RMC1: variants seen among roughly 807,000 people sequenced by gnomAD.
The protein encoded by RMC1 is regulator of MON1-CCZ1 complex.
RMC1 carries 44 observed loss-of-function variants against 95.5 expected under a neutral mutation model. The ratio of observed to expected loss-of-function variants is 0.46; its 90% CI spans 0.36 to 0.59. RMC1 has a LOEUF of 0.59. Among genes scored for constraint, RMC1 ranks in the 20% least tolerant of loss-of-function variants. The pLI, the probability that RMC1 is intolerant of heterozygous loss-of-function variation, is 0.00. For synonymous variants in RMC1, 320 were observed against 303.6 expected (o/e 1.05, Z -0.56); for missense variants, 705 against 819.6 (o/e 0.86, Z 1.71).
chr18:23,523,725 G>GA (rs1007414475), intron 10 of RMC1, among the ~76,000 whole-genome samples: 25 of 150,484 alleles, frequency 1.7e-4, no homozygotes, highest in African/African-American at 4.6e-4. Context: ...CTCTCTTAAA[G>GA]AAAAAAAAAG....
rs377528902 is a variant in RMC1 at position 23,528,063 on chromosome 18, G to T, written c.1296+162G>T. On this transcript the variant is annotated intron_variant, in intron 14 of 19. Coordinates refer to ENST00000269221, the MANE Select transcript of RMC1 (RefSeq NM_013326.5). ...GTGGCAGTAGTGGGGGATAGTGGAG[G>T]AGTAGTAAATTCAGGGTCCCTGCAT... The T allele has an allele frequency of 9.6e-4, 554 of 577,426 alleles. 4 individuals carry two copies. The South Asian group carries it at 0.011, about 11-fold the overall frequency. The allele number at this position is 577,426 out of a possible 1,614,324, so 35.8% of individuals were successfully genotyped here. A position where few individuals can be genotyped will look rare whatever the true frequency, so the allele number is the denominator to read the frequency against.
chr18:23,504,793 C>A, intron 2 of RMC1: 1 of 199,948 alleles, frequency 5.0e-6, no homozygotes, highest in Non-Finnish European at 1.0e-5. Flanking sequence ...TCCAGAGTGG[C>A]AGGTGGAGGA....
chr18:23,510,420 G>A (rs2057822447), intron 5 of RMC1, among the ~76,000 whole-genome samples: 1 of 151,850 alleles, frequency 6.6e-6, no homozygotes, highest in African/African-American at 2.4e-5. Context: ...GACCGAGGTG[G>A]GCAGATCACC....
At chr18:23,522,832 C>G (rs1289606595) in intron 10 of RMC1, 1 of 152,340 alleles carries the variant, frequency 6.6e-6, no homozygotes, top group Non-Finnish European at 1.5e-5. Flanking sequence ...GCTGTGAGCC[C>G]TGGCGGCTTG....
chr18:23,523,871 T>C (rs2058217104), intron 10 of RMC1, among the ~76,000 whole-genome samples: 1 of 152,206 alleles, frequency 6.6e-6, no homozygotes, highest in East Asian at 1.9e-4. Flanking sequence ...CTTTGGTTAT[T>C]AAAAATAACC....
chr18:23,510,646 C>CAA lies in RMC1; in HGVS notation c.408+1378_408+1379dup, dbSNP rs1209479609. On this transcript the variant is annotated intron_variant, in intron 5 of 19. Transcript: ENST00000269221. ...TGGGCAACAGAGCGAGACTCCGTCT[C>CAA]AAAAAAAAAAAAGTGGGCAAAGGAC... Among the ~76,000 whole-genome samples, 37 of 130,148 alleles carry CAA rather than the reference C, an allele frequency of 2.8e-4. 1 individual carries two copies. Among genetic ancestry groups the CAA allele is most frequent in the African/African-American group, 9.7e-4 (34 of 35,048 alleles). The allele number at this position is 130,148 out of a possible 152,430, so 85.4% of individuals were successfully genotyped here.
In RMC1 at chr18:23,519,142, A is replaced by C. The variant is rs1567923201; in HGVS notation, c.817A>C (p.Asn273His). 3 of 1,614,202 alleles carry C rather than the reference A, an allele frequency of 1.9e-6. No individual in the cohort carries two copies. Among genetic ancestry groups the C allele is most frequent in the Non-Finnish European group, 2.5e-6 (3 of 1,180,032 alleles). Residue 273 changes from asparagine to histidine, a missense_variant, in exon 9 of 20, where the codon AAC becomes CAC. Transcript: ENST00000269221. ...AAAGTTTGCCCTGAACGTGGTGGAC[A>C]ACCTGGTAGTCGTGCATCATCAGGA... is the stretch of plus-strand genomic sequence containing the variant. ...TGKFALNVVDNLVVVHHQDTE... is the reference protein window; with the variant it reads ...TGKFALNVVDHLVVVHHQDTE...
intron 14 of RMC1, chr18:23,528,972 T>A (rs1479875103): frequency 1.5e-6 from 1 of 669,648 alleles, no homozygotes; most frequent in East Asian, 3.6e-5. Context: ...CTCTGCCTCC[T>A]GGGTTCAAGG....
chr18:23,526,508 A>G (rs537091214), intron 12 of RMC1, 129 bp from the exon 13 acceptor site: 808 of 1,087,816 alleles, frequency 7.4e-4, no homozygotes, highest in Non-Finnish European at 8.3e-4. Context: ...AGGAAAAGCT[A>G]CACTGACTGT....
At chr18:23,527,721 C>A in intron 13 of RMC1, 74 bp from the exon 14 acceptor site, 1 of 1,159,726 alleles carries the variant, frequency 8.6e-7, no homozygotes, top group Non-Finnish European at 1.3e-6. Flanking sequence ...TAGTTTTTAT[C>A]ATAGCAACGT....
intron 2 of RMC1, chr18:23,506,161 C>T (rs177430): frequency 0.47 from 68,750 of 145,856 alleles, 16,591 homozygotes; most frequent in Middle Eastern, 0.68. Context: ...AGCAAGACTC[C>T]GTCTCAAAAA....
chr18:23,521,855 C>T (rs1324011362), intron 10 of RMC1, among the ~76,000 whole-genome samples: 1 of 152,188 alleles, frequency 6.6e-6, no homozygotes, highest in African/African-American at 2.4e-5. Flanking sequence ...CAGGGTCTTT[C>T]TTCTGTGCCT....
intron 13 of RMC1, among the ~76,000 whole-genome samples, chr18:23,527,328 G>A (rs2058331821): frequency 6.6e-6 from 1 of 152,012 alleles, no homozygotes; most frequent in South Asian, 2.1e-4. Context: ...GAGCCCGGGA[G>A]GACGAGGCTG....
Position 23,504,404 on chromosome 18 carries a change from G to A in RMC1, c.136G>A (p.Val46Met), listed in dbSNP as rs1405779035. 3.7e-6 allele frequency: 6 copies of A among 1,614,194 alleles called. No homozygotes were observed. The highest frequency in any genetic ancestry group is 5.1e-6 in the Non-Finnish European group (6 of 1,180,032). ...FAVRSGGATG[V>M]VVKGPDDRNP... Reference sequence around the variant, plus strand: ...TGTTCGATCTGGTGGAGCTACTGGCGTGGTAGTTAAAGGCCCAGATGATAG... The same window carrying A: ...TGTTCGATCTGGTGGAGCTACTGGCATGGTAGTTAAAGGCCCAGATGATAG... The change falls in exon 2 of 20, where the codon GTG becomes ATG. Residue 46 changes from valine (V) to methionine (M), a missense_variant. Coordinates refer to ENST00000269221, the MANE Select transcript of RMC1 (RefSeq NM_013326.5).
intron 4 of RMC1, chr18:23,508,830 T>C (rs1283130547): frequency 6.5e-6 from 1 of 152,972 alleles, no homozygotes; most frequent in Non-Finnish European, 1.5e-5. Flanking sequence ...TAAAGACCCT[T>C]AGGCCTTTGT....
At chr18:23,508,152 G>A (rs1362281506) in intron 4 of RMC1, 111 bp downstream of exon 4, 3 of 946,268 alleles carry the variant, frequency 3.2e-6, no homozygotes, top group East Asian at 5.7e-5. Flanking sequence ...AAGTCAGACT[G>A]TCCCTCATGT....
chr18:23,527,895 T>C lies in RMC1; in HGVS notation c.1290T>C (p.Tyr430=), dbSNP rs752654141. 9.3e-6 allele frequency: 15 copies of C among 1,613,354 alleles called. No homozygotes were observed. The highest frequency in any genetic ancestry group is 9.3e-6 in the Non-Finnish European group (11 of 1,179,560). The part of the protein sequence containing the change: ...YKKYLDAEQS[Y]AMAVEAGQSR... ...AGTACCTGGATGCCGAGCAGAGTTA[T>C]GCGATGGTGAGTTACATGGAGTATG... The change falls in exon 14 of 20, where the codon TAT becomes TAC. Residue 430 remains tyrosine (Y), a synonymous_variant. Transcript: ENST00000269221.
chr18:23,524,538 C>A, intron 12 of RMC1, 56 bp downstream of exon 12: 2 of 1,570,632 alleles, frequency 1.3e-6, no homozygotes, highest in South Asian at 1.1e-5. Context: ...GACTTTGGAT[C>A]CCAGTTGTAG....
At chr18:23,503,767 G>T (rs747530084) in intron 1 of RMC1, 47 bp downstream of exon 1, 16 of 1,543,914 alleles carry the variant, frequency 1.0e-5, no homozygotes, top group Non-Finnish European at 1.2e-5. Flanking sequence ...TGCCGGGGTC[G>T]TGGGCGCGCC....
Sources: allele counts gnomAD v4.1 joint callset (sites outside exome capture counted in the v4.1 genomes callset), GRCh38; gene constraint gnomAD v4.1.1; transcripts MANE v1.5; gene names NCBI Gene and HGNC (gene_info 2026-07-23, HGNC 2026-07-21).